SLC26A8: variants seen among roughly 807,000 people sequenced by gnomAD.
SLC26A8 encodes the protein solute carrier family 26 member 8.
A neutral mutation model predicts 105.0 loss-of-function variants in SLC26A8; 70 were observed. That is an observed-to-expected ratio of 0.67 (90% CI 0.55 to 0.81). SLC26A8 has a LOEUF of 0.81. Among genes scored for constraint, SLC26A8 ranks in the 40% least tolerant of loss-of-function variants. The pLI is 0.00. For synonymous variants in SLC26A8, 415 were observed against 438.3 expected (o/e 0.95, Z 0.66); for missense variants, 998 against 1,181.8 (o/e 0.84, Z 2.28).
chr6:35,974,273 G>A lies in SLC26A8; in HGVS notation c.1287+1102C>T, dbSNP rs538768134. On this transcript the variant is annotated intron_variant, in intron 10 of 19. Coordinates refer to ENST00000490799, the MANE Select transcript of SLC26A8 (RefSeq NM_052961.4). ...GCGGAGGTTGCAGTGAGCCGAGATCGCGTCACTGCACTCCAGCCTGGGTGA... is the reference window on the plus strand; with the variant it reads ...GCGGAGGTTGCAGTGAGCCGAGATCACGTCACTGCACTCCAGCCTGGGTGA... 6.6e-5 allele frequency among the ~76,000 whole-genome samples: 10 copies of A among 152,290 alleles called. No homozygotes were observed. The South Asian group carries it at 1.7e-3, about 25-fold the overall frequency.
intron 1 of SLC26A8, among the ~76,000 whole-genome samples, chr6:36,021,815 G>A (rs1377150780): frequency 6.6e-6 from 1 of 151,718 alleles, no homozygotes. Flanking sequence ...ATAGAGTCTC[G>A]CTCTGTCGCC....
chr6:35,952,226 C>T (rs530779931), intron 17 of SLC26A8, among the ~76,000 whole-genome samples: 1 of 152,132 alleles, frequency 6.6e-6, no homozygotes, highest in South Asian at 2.1e-4. Context: ...GAGACCCCCA[C>T]TTCCCCCTGG....
At chr6:36,010,694 A>G (rs1761832649) in intron 3 of SLC26A8, among the ~76,000 whole-genome samples, 1 of 151,970 alleles carries the variant, frequency 6.6e-6, no homozygotes, top group East Asian at 1.9e-4. Flanking sequence ...GTGTGCCACC[A>G]TGCCCAGCTA....
Position 35,991,685 on chromosome 6 carries a change from T to C in SLC26A8, c.916A>G (p.Ile306Val). The change falls in exon 7 of 20, where the codon ATT (isoleucine) becomes GTT (valine). Residue 306 changes from isoleucine to valine, a missense_variant. Physicochemically the swap from Ile to Val is conservative, Grantham distance 29 (BLOSUM62 3). Transcript: ENST00000490799. ...CIRISFNQYP[I>V]EFPMELFLII... is the part of the protein sequence containing the mutation. ...AGAAATAATTCCATGGGAAACTCAA[T>C]GGGATACTGATTGAAAGAAATTCTG... is the stretch of plus-strand genomic sequence containing the variant. 6.3e-7 allele frequency: 1 copy of C among 1,598,754 alleles called. No individual in the cohort carries two copies. Among genetic ancestry groups the C allele is most frequent in the Non-Finnish European group, 8.5e-7 (1 of 1,174,344 alleles).
Position 35,943,929 on chromosome 6 carries a change from G to T in SLC26A8, c.2884C>A (p.Pro962Thr). ...RRRHPMDSYS[P>T]EGNSNEDV The stretch of plus-strand genomic sequence containing the variant: ...ACATCTTCATTGCTGTTGCCCTCTG[G>T]TGAGTATGAATCCATAGGATGGCGT... Residue 962 changes from proline (P) to threonine (T), a missense_variant, in exon 20 of 20, where the codon CCA (proline) becomes ACA (threonine). By Grantham distance (38) the Pro-to-Thr change is conservative. Transcript: ENST00000490799. 1 of 1,614,140 alleles carries T rather than the reference G, an allele frequency of 6.2e-7. No individual in the cohort carries two copies. Among genetic ancestry groups the T allele is most frequent in the Non-Finnish European group, 8.5e-7 (1 of 1,180,020 alleles).
At position 35,959,512 on chromosome 6, in the gene SLC26A8, C is replaced by G. The variant is rs1230215521; in HGVS notation, c.1811G>C (p.Gly604Ala). The G allele has an allele frequency of 1.9e-6, 3 of 1,614,020 alleles. No individual in the cohort carries two copies. Among genetic ancestry groups the G allele is most frequent in the South Asian group, 2.2e-5 (2 of 91,068 alleles). The stretch of plus-strand genomic sequence containing the variant: ...GTTGCAGAAACACCTGCAAATCTTT[C>G]CTCCTTGTAGATTGGTGTCACTTGA... ...FNSSDTNLQGGKICRCFCNCD... is the reference protein window; with the variant it reads ...FNSSDTNLQGAKICRCFCNCD... The change falls in exon 16 of 20, where the codon GGA (glycine) becomes GCA (alanine). Residue 604 changes from glycine to alanine, a missense_variant. Transcript: ENST00000490799.
intron 11 of SLC26A8, among the ~76,000 whole-genome samples, chr6:35,965,962 C>T (rs915021375): frequency 7.7e-5 from 11 of 143,346 alleles, no homozygotes; most frequent in Admixed American, 2.1e-4. Flanking sequence ...GATCATGCCA[C>T]TGCACTCCAG....
intron 10 of SLC26A8, among the ~76,000 whole-genome samples, chr6:35,971,566 G>A (rs965599337): frequency 6.6e-6 from 1 of 152,154 alleles, no homozygotes; most frequent in Non-Finnish European, 1.5e-5. Context: ...TAAGTGACAG[G>A]CACCCATTAG....
intron 8 of SLC26A8, 101 bp downstream of exon 8, chr6:35,982,020 C>T: frequency 7.9e-7 from 1 of 1,258,666 alleles, no homozygotes; most frequent in South Asian, 1.3e-5. Flanking sequence ...TTTGCTTTGG[C>T]CAGAGACTGC....
chr6:35,981,518 G>A lies in SLC26A8; in HGVS notation c.1025+603C>T, dbSNP rs186266694. Reference sequence around the variant, plus strand: ...TTAGCCAGGCGTGGCAGTGCACGGCGGTGTACACCTGTAGTCCCAACTACT... The same window carrying A: ...TTAGCCAGGCGTGGCAGTGCACGGCAGTGTACACCTGTAGTCCCAACTACT... On this transcript the variant is annotated intron_variant, in intron 8 of 19. Coordinates refer to ENST00000490799, the MANE Select transcript of SLC26A8 (RefSeq NM_052961.4). The surrounding 1 kb of genome is among the most constrained non-coding windows in gnomAD (Gnocchi z 4.0). 8.7e-4 allele frequency among the ~76,000 whole-genome samples: 133 copies of A among 152,238 alleles called. 1 individual carries two copies. The highest frequency in any genetic ancestry group is 2.9e-3 in the African/African-American group (119 of 41,528).
Position 35,959,607 on chromosome 6 carries a change from G to A in SLC26A8, c.1732-16C>T. The A allele has an allele frequency of 1.2e-6, 2 of 1,610,378 alleles. No homozygotes were observed. Among genetic ancestry groups the A allele is most frequent in the East Asian group, 4.5e-5 (2 of 44,816 alleles). On this transcript the variant is annotated splice_polypyrimidine_tract_variant and intron_variant, in intron 15 of 19. Transcript: ENST00000490799. ...CCATATCAACCTGAAAGACATGAGA[G>A]GTCTCATCCAGAGGAAGAATGGTGG...
intron 3 of SLC26A8, among the ~76,000 whole-genome samples, chr6:36,004,449 T>C (rs1761625106): frequency 6.6e-6 from 1 of 152,206 alleles, no homozygotes; most frequent in Non-Finnish European, 1.5e-5. Flanking sequence ...TGTTTTTCTT[T>C]TTTTATGCCT....
rs1772223357 is a variant in SLC26A8 at position 35,959,485 on chromosome 6, C to T, written c.1838G>A (p.Cys613Tyr). ...GGKICRCFCNCDDLEPLPRIL... is the reference protein window; with the variant it reads ...GGKICRCFCNYDDLEPLPRIL... ...CCTGGGCAGCGGCTCCAGATCATCACAGTTGCAGAAACACCTGCAAATCTT... is the reference window on the plus strand; with the variant it reads ...CCTGGGCAGCGGCTCCAGATCATCATAGTTGCAGAAACACCTGCAAATCTT... The change falls in exon 16 of 20, where the codon TGT becomes TAT. Residue 613 changes from cysteine to tyrosine, a missense_variant. Transcript: ENST00000490799. 6.2e-7 allele frequency: 1 copy of T among 1,613,302 alleles called. No individual in the cohort carries two copies. Among genetic ancestry groups the T allele is most frequent in the African/African-American group, 1.3e-5 (1 of 74,858 alleles).
Position 36,019,531 on chromosome 6 carries a change from G to T in SLC26A8, c.177C>A (p.His59Gln), listed in dbSNP as rs142576626. Residue 59 changes from histidine to glutamine, a missense_variant, in exon 2 of 20, where the codon CAC (histidine) becomes CAA (glutamine). By Grantham distance (24) the His-to-Gln change is conservative. Transcript: ENST00000490799. The part of the protein sequence containing the change: ...MNINITTFRH[H>Q]VQCRCSWHRF... ...TTGGACACACGCACCGGCACTGGAC[G>T]TGGTGTCTGAAGGTGGTGATGTTGA... is the stretch of plus-strand genomic sequence containing the variant. The T allele has an allele frequency of 4.4e-5, 71 of 1,613,220 alleles. No homozygotes were observed. The highest frequency in any genetic ancestry group is 5.8e-5 in the Non-Finnish European group (68 of 1,179,854).
chr6:35,965,555 G>C (rs1235506343), intron 11 of SLC26A8, among the ~76,000 whole-genome samples: 1 of 151,742 alleles, frequency 6.6e-6, no homozygotes, highest in Non-Finnish European at 1.5e-5. Context: ...GGTGACGCAT[G>C]CCTGTAATCC....
chr6:35,948,083 T>C (rs1408680836), intron 19 of SLC26A8, among the ~76,000 whole-genome samples: 1 of 152,208 alleles, frequency 6.6e-6, no homozygotes, highest in East Asian at 1.9e-4. Flanking sequence ...TATAAAGATA[T>C]AAATTCTCAA....
intron 8 of SLC26A8, among the ~76,000 whole-genome samples, chr6:35,980,328 G>A (rs1773220398): frequency 6.6e-6 from 1 of 152,204 alleles, no homozygotes; most frequent in Non-Finnish European, 1.5e-5. Context: ...AAGTATAACA[G>A]AGTGGTTATA....
intron 10 of SLC26A8, among the ~76,000 whole-genome samples, chr6:35,971,947 C>A (rs2127316081): frequency 6.6e-6 from 1 of 152,286 alleles, no homozygotes; most frequent in South Asian, 2.1e-4. Context: ...TGGGGGACAG[C>A]CCAGCTGGCC....
chr6:35,991,555 T>C, intron 7 of SLC26A8, 104 bp downstream of exon 7: 1 of 812,844 alleles, frequency 1.2e-6, no homozygotes, highest in Middle Eastern at 4.0e-4. Context: ...TATAAGCATA[T>C]ATTGAAAACT....
Sources: allele counts gnomAD v4.1 joint callset (sites outside exome capture counted in the v4.1 genomes callset), GRCh38; gene constraint gnomAD v4.1.1; non-coding constraint Gnocchi (gnomAD v3.1); transcripts MANE v1.5; gene names NCBI Gene and HGNC (gene_info 2026-07-23, HGNC 2026-07-21).